RELL1: variants seen among roughly 807,000 people sequenced by gnomAD.
The protein encoded by RELL1 is RELT like 1.
Under a neutral mutation model 23.0 loss-of-function variants are expected in RELL1, and 10 were observed. The observed-to-expected ratio is 0.43, with a 90% CI of 0.27 to 0.74. The LOEUF (loss-of-function observed/expected upper bound fraction) is 0.74. Among genes scored for constraint, RELL1 ranks in the 30% least tolerant of loss-of-function variants. The pLI, the probability that RELL1 is intolerant of heterozygous loss-of-function variation, is 0.19. For synonymous variants in RELL1, 146 were observed against 146.8 expected, an observed-to-expected ratio of 0.99 and a Z score of 0.04; for missense variants, 315 against 364.4, an observed-to-expected ratio of 0.86 and a Z score of 1.10.
intron 3 of RELL1, among the ~76,000 whole-genome samples, chr4:37,646,165 A>C (rs1720704860): frequency 6.6e-6 from 1 of 152,238 alleles, no homozygotes. Flanking sequence ...ACAGCTATTG[A>C]GTAAGTGGGC....
intron 1 of RELL1, among the ~76,000 whole-genome samples, chr4:37,673,114 G>A (rs1441512176): frequency 6.6e-6 from 1 of 150,918 alleles, no homozygotes; most frequent in Non-Finnish European, 1.5e-5. Flanking sequence ...CATAATTAGC[G>A]AGCTTTAACC....
At chr4:37,615,819 A>C (rs1719556205) in intron 6 of RELL1, among the ~76,000 whole-genome samples, 1 of 152,214 alleles carries the variant, frequency 6.6e-6, no homozygotes. Flanking sequence ...GAACAAAGGA[A>C]GAGGTTGTCT....
At chr4:37,663,486 G>A (rs1363698816) in intron 1 of RELL1, among the ~76,000 whole-genome samples, 5 of 152,246 alleles carry the variant, frequency 3.3e-5, no homozygotes, top group East Asian at 1.9e-4. Context: ...AAGGTGGTAC[G>A]TCATAAAGAA....
At position 37,669,358 on chromosome 4, in the gene RELL1, G is replaced by A. The variant is rs1317093779; in HGVS notation, c.88+16842C>T. On this transcript the variant is annotated intron_variant, in intron 1 of 6. Coordinates refer to ENST00000454158, the MANE Select transcript of RELL1 (RefSeq NM_001085400.2). Reference sequence around the variant, plus strand: ...GCCAGCCGCTCCCTCCGGGAGGGAGGTGGGGGGGTCAGTCCCCGGCCCGGC... The same window carrying A: ...GCCAGCCGCTCCCTCCGGGAGGGAGATGGGGGGGTCAGTCCCCGGCCCGGC... Among the ~76,000 whole-genome samples the A allele has an allele frequency of 4.8e-5, 7 of 146,664 alleles. No individual in the cohort carries two copies. In the East Asian group the frequency reaches 1.3e-3, roughly 26 times the overall value.
chr4:37,670,064 A>T (rs905352225), intron 1 of RELL1, among the ~76,000 whole-genome samples: 27 of 150,688 alleles, frequency 1.8e-4, no homozygotes, highest in East Asian at 1.4e-3. Context: ...TATAAAAAAA[A>T]AAAAAAGAAA....
In RELL1 at chr4:37,597,451, C is replaced by CA. The variant is rs553211916; in HGVS notation, c.*4-6235dup. 4.2e-4 allele frequency among the ~76,000 whole-genome samples: 64 copies of CA among 152,254 alleles called. 1 individual carries two copies. In the South Asian group the frequency reaches 0.012, roughly 29 times the overall value. The stretch of plus-strand genomic sequence containing the variant: ...TAAGTTACCAACTTAAAATCCCACA[C>CA]AAAAAAATCCATTTCTAGGTCCAAC... On this transcript the variant is annotated intron_variant, in intron 6 of 6. Coordinates refer to the RELL1 transcript ENST00000314117.
intron 6 of RELL1, among the ~76,000 whole-genome samples, chr4:37,621,328 CACCTGCAGTCCTAGCT>C (rs1719758684): frequency 6.6e-6 from 1 of 151,988 alleles, no homozygotes; most frequent in Admixed American, 6.6e-5. Context: ...TGGTGGTGGG[CACCTGCAGTCCTAGCT>C]ACTCGGGAGG....
chr4:37,651,595 G>A (rs1560347661), intron 1 of RELL1, among the ~76,000 whole-genome samples: 3 of 152,162 alleles, frequency 2.0e-5, no homozygotes, highest in Non-Finnish European at 4.4e-5. Flanking sequence ...GGCAGACAGG[G>A]TTGGGTCCCT....
Position 37,624,614 on chromosome 4 carries a change from A to G in RELL1, c.*3+6771T>C, listed in dbSNP as rs1430259858. On this transcript the variant is annotated intron_variant, in intron 6 of 6. Coordinates refer to ENST00000454158, the MANE Select transcript of RELL1 (RefSeq NM_001085400.2). ...AATTTTTTTTTTTGTATTTTTTAGTAGAGACGGGGTTTCACTGTGTTAGCC... is the reference window on the plus strand; with the variant it reads ...AATTTTTTTTTTTGTATTTTTTAGTGGAGACGGGGTTTCACTGTGTTAGCC... Among the ~76,000 whole-genome samples, 3 of 151,512 alleles carry G rather than the reference A, an allele frequency of 2.0e-5. No homozygotes were observed. In the East Asian group the frequency reaches 5.8e-4, roughly 29 times the overall value.
At chr4:37,638,295 A>G (rs1720403905) in intron 4 of RELL1, 152 bp downstream of exon 4, 1 of 652,884 alleles carries the variant, frequency 1.5e-6, no homozygotes, top group African/African-American at 1.8e-5. Context: ...TACACAGGAC[A>G]GTTCCGCACA....
intron 6 of RELL1, among the ~76,000 whole-genome samples, chr4:37,625,162 A>G (rs1229198451): frequency 6.6e-6 from 1 of 152,242 alleles, no homozygotes; most frequent in African/African-American, 2.4e-5. Flanking sequence ...TTACTAAAAT[A>G]AAAATCAATA....
At chr4:37,623,839 T>C (rs1344978436) in intron 6 of RELL1, among the ~76,000 whole-genome samples, 1 of 152,166 alleles carries the variant, frequency 6.6e-6, no homozygotes, top group Non-Finnish European at 1.5e-5. Context: ...GTAAGACCAG[T>C]GAATCAAGTT....
intron 1 of RELL1, among the ~76,000 whole-genome samples, chr4:37,669,131 G>A (rs1391007938): frequency 3.0e-5 from 4 of 131,982 alleles, no homozygotes; most frequent in East Asian, 2.1e-4. Flanking sequence ...GCCCCTACTG[G>A]GAAGTGAGGA....
At chr4:37,614,684 A>G (rs1719516438) in intron 6 of RELL1, among the ~76,000 whole-genome samples, 1 of 152,126 alleles carries the variant, frequency 6.6e-6, no homozygotes, top group African/African-American at 2.4e-5. Context: ...AAAAAAAAAA[A>G]AAGGAAAAAA....
chr4:37,622,391 G>T (rs1232157320), intron 6 of RELL1, among the ~76,000 whole-genome samples: 1 of 152,214 alleles, frequency 6.6e-6, no homozygotes, highest in East Asian at 1.9e-4. Context: ...CACGCAAAGG[G>T]ATTAGCAGGA....
chr4:37,667,821 A>G (rs1013102748), intron 1 of RELL1, among the ~76,000 whole-genome samples: 24 of 152,168 alleles, frequency 1.6e-4, no homozygotes, highest in African/African-American at 5.8e-4. Context: ...CCTGATCTAC[A>G]TATAACACTG....
At chr4:37,649,619 G>C (rs1253413833) in intron 1 of RELL1, 119 bp from the exon 2 acceptor site, 6 of 839,376 alleles carry the variant, frequency 7.1e-6, no homozygotes, top group African/African-American at 5.1e-5. Flanking sequence ...AGGCCATGCA[G>C]ACTGGTGGGT....
At chr4:37,598,291 A>G (rs1718931345) in intron 6 of RELL1, among the ~76,000 whole-genome samples, 2 of 124,344 alleles carry the variant, frequency 1.6e-5, no homozygotes, top group Non-Finnish European at 3.4e-5. Context: ...AAAAGTTTAT[A>G]GGAAGAAAAT....
chr4:37,660,635 A>G (rs1014732501), intron 1 of RELL1, among the ~76,000 whole-genome samples: 1 of 152,208 alleles, frequency 6.6e-6, no homozygotes, highest in Non-Finnish European at 1.5e-5. Context: ...AAGTCACATC[A>G]TTTAGAGTTT....
Sources: gnomAD v4.1 joint callset for allele counts (sites outside exome capture counted in the v4.1 genomes callset) on GRCh38, gnomAD v4.1.1 for gene constraint, MANE v1.5 for transcripts, NCBI Gene and HGNC (gene_info 2026-07-23, HGNC 2026-07-21) for gene names.